Variants in GREP1 observed in about 807,000 individuals in gnomAD.
GREP1 encodes glycine rich extracellular protein 1.
At chr16:3,001,706 T>C (rs993505666) in exon 35 of GREP1, 1 of 398,682 alleles carries the variant, frequency 2.5e-6, no homozygotes, top group African/African-American at 2.1e-5. Flanking sequence ...CCTGCTTGCC[T>C]CCGCGTGCCA....
chr16:2,989,355 C>T lies in GREP1; in HGVS notation c.101-168C>T. 2.5e-6 allele frequency: 1 copy of T among 397,536 alleles called. No homozygotes were observed. The allele number at this position is 397,536 out of a possible 1,614,324, so 24.6% of individuals were successfully genotyped here. The stretch of plus-strand genomic sequence containing the variant: ...AGGGAGGTGGCATCCAGATTTGGGC[C>T]CCTTTGTCCCCTTGTAAGTTCCCCT... On this transcript the variant is annotated intron_variant, in intron 2 of 34. Coordinates refer to ENST00000573315, the Ensembl canonical transcript of GREP1. The surrounding 1 kb of genome is among the most constrained non-coding windows in gnomAD (Gnocchi z 4.2).
In GREP1 at chr16:2,989,858, A is replaced by T. The variant is rs12930630; in HGVS notation, c.131-116A>T. On this transcript the variant is annotated intron_variant, in intron 3 of 34. Transcript: ENST00000573315. This position sits in a 1 kb window ranked among gnomAD's most constrained non-coding sequence, Gnocchi z 4.2. Reference sequence around the variant, plus strand: ...CACCTGTGCCCCACAGCCCTCCCCCATCATGGGAAGGGACTGAGTTCCCAC... The same window carrying T: ...CACCTGTGCCCCACAGCCCTCCCCCTTCATGGGAAGGGACTGAGTTCCCAC... 20 of 398,122 alleles carry T rather than the reference A, an allele frequency of 5.0e-5. No individual in the cohort carries two copies. In the Admixed American group the frequency reaches 5.3e-4, roughly 11 times the overall value. 24.7% of individuals were successfully genotyped at this position (398,122 alleles called of 1,614,324 possible).
At chr16:2,998,473 A>G (rs1596462948) in intron 24 of GREP1, 21 bp from the exon 23 acceptor site, 9 of 399,144 alleles carry the variant, frequency 2.3e-5, no homozygotes, top group Non-Finnish European at 4.0e-5. Context: ...TGCCACACTC[A>G]TCTCTGCTTT....
In GREP1 at chr16:2,992,939, G is replaced by T. The variant is rs1286351553; in HGVS notation, c.361G>T (p.Gly121Trp). The T allele has an allele frequency of 1.0e-5, 4 of 398,958 alleles. No homozygotes were observed. Among genetic ancestry groups the T allele is most frequent in the Non-Finnish European group, 4.4e-6 (1 of 226,080 alleles). 24.7% of individuals were successfully genotyped at this position (398,958 alleles called of 1,614,324 possible). ...TCTCATCTTCCCCCCAGGCTTTGGA[G>T]GGGGTGGAAAACCCCAGAAGCCAGG... Residue 121 changes from glycine to tryptophan, a missense_variant, in exon 10 of 35, where the codon GGG becomes TGG. By Grantham distance (184) the Gly-to-Trp change is radical. Coordinates refer to ENST00000573315, the Ensembl canonical transcript of GREP1. The surrounding 1 kb of genome is among the most constrained non-coding windows in gnomAD (Gnocchi z 4.9).
Position 2,989,856 on chromosome 16 carries a change from C to A in GREP1, c.131-118C>A. ...CCCACCTGTGCCCCACAGCCCTCCCCCATCATGGGAAGGGACTGAGTTCCC... is the reference window on the plus strand; with the variant it reads ...CCCACCTGTGCCCCACAGCCCTCCCACATCATGGGAAGGGACTGAGTTCCC... On this transcript the variant is annotated intron_variant, in intron 3 of 34. Coordinates refer to ENST00000573315, the Ensembl canonical transcript of GREP1. This position sits in a 1 kb window ranked among gnomAD's most constrained non-coding sequence, Gnocchi z 4.2. The A allele has an allele frequency of 2.5e-6, 1 of 398,514 alleles. No homozygotes were observed. Among genetic ancestry groups the A allele is most frequent in the Admixed American group, 4.4e-5 (1 of 22,726 alleles). The allele number at this position is 398,514 out of a possible 1,614,324, so 24.7% of individuals were successfully genotyped here. A position where few individuals can be genotyped will look rare whatever the true frequency, so the allele number is the denominator to read the frequency against.
chr16:3,000,578 AC>A lies in GREP1; in HGVS notation c.1386del (p.Ala464GlnfsTer4). ...GGGGATGGGGTGGAAGCTCTGGTGT[AC>A]CCCAAAGCAGCAGCTCTAGCCCCTG... On this transcript the variant is annotated frameshift_variant, in exon 32 of 35. Transcript: ENST00000573315. LOFTEE classifies it high-confidence loss of function. The A allele has an allele frequency of 2.5e-6, 1 of 398,852 alleles. No homozygotes were observed. Among genetic ancestry groups the A allele is most frequent in the Non-Finnish European group, 4.4e-6 (1 of 226,126 alleles). The allele number at this position is 398,852 out of a possible 1,614,324, so 24.7% of individuals were successfully genotyped here.
At chr16:2,997,169 C>G (rs1489824216) in intron 21 of GREP1, 84 bp downstream of exon 20, 1 of 398,904 alleles carries the variant, frequency 2.5e-6, no homozygotes, top group Non-Finnish European at 4.4e-6. Context: ...GCTCCATCGG[C>G]ATTCAGGAGG....
rs2072405794 is a variant in GREP1 at position 2,992,829 on chromosome 16, G to T, written c.347G>T (p.Gly116Val). The change falls in exon 9 of 35, where the codon GGA (glycine) becomes GTA (valine). Residue 116 changes from glycine to valine, a missense_variant. Transcript: ENST00000573315. This position sits in a 1 kb window ranked among gnomAD's most constrained non-coding sequence, Gnocchi z 4.9. ...GGTCCTGCCGCTCAAAATGGCTTTG[G>T]ACCAGGTAAAGAGGGTGGGGACGGA... 2 of 399,044 alleles carry T rather than the reference G, an allele frequency of 5.0e-6. No homozygotes were observed. The highest frequency in any genetic ancestry group is 4.4e-5 in the Admixed American group (1 of 22,720). The allele number at this position is 399,044 out of a possible 1,614,324, so 24.7% of individuals were successfully genotyped here.
chr16:2,992,131 G>GA lies in GREP1; in HGVS notation c.323-673dup, dbSNP rs1255768413. ...TCCCAAGATCTGGTGATGGGAATGG[G>GA]ATGGGAGCTGGGGCCTTCCTAGGAG... On this transcript the variant is annotated intron_variant, in intron 8 of 34. Coordinates refer to ENST00000573315, the Ensembl canonical transcript of GREP1. The surrounding 1 kb of genome is among the most constrained non-coding windows in gnomAD (Gnocchi z 4.9). 1 of 152,664 alleles carries GA rather than the reference G, an allele frequency of 6.6e-6. No homozygotes were observed. Among genetic ancestry groups the GA allele is most frequent in the Non-Finnish European group, 1.5e-5 (1 of 68,400 alleles). The allele number at this position is 152,664 out of a possible 1,614,324, so 9.5% of individuals were successfully genotyped here.
exon 14 of GREP1, chr16:2,995,299 T>A: frequency 2.5e-6 from 1 of 399,010 alleles, no homozygotes; most frequent in Admixed American, 4.4e-5. Context: ...AGAGGGGACA[T>A]GAAGGCACAG....
exon 35 of GREP1, chr16:3,001,915 G>A (rs1043280391): frequency 1.8e-5 from 6 of 338,564 alleles, no homozygotes; most frequent in African/African-American, 4.2e-5. Flanking sequence ...CCTAGCGGGG[G>A]AACCACATCC....
chr16:2,988,403 C>G, intron 1 of GREP1, 63 bp downstream of exon 1: 1 of 399,144 alleles, frequency 2.5e-6, no homozygotes, highest in Non-Finnish European at 4.4e-6. Flanking sequence ...GGCTGGGGGT[C>G]CAAGTGGGGC....
chr16:2,999,156 T>C (rs2072444335), intron 26 of GREP1, 177 bp downstream of exon 24: 1 of 398,646 alleles, frequency 2.5e-6, no homozygotes, highest in Non-Finnish European at 4.4e-6. Flanking sequence ...GGACCCCATG[T>C]GGTCCCCAGT....
At position 2,995,612 on chromosome 16, in the gene GREP1, C is replaced by G. The variant is rs538271112; in HGVS notation, c.554-7C>G. The G allele has an allele frequency of 3.3e-4, 131 of 398,900 alleles. No individual in the cohort carries two copies. The highest frequency in any genetic ancestry group is 2.6e-3 in the African/African-American group (129 of 48,720). 24.7% of individuals were successfully genotyped at this position (398,900 alleles called of 1,614,324 possible). Reference sequence around the variant, plus strand: ...CAAATCCCCACCCCACCCTCCTCTCCCCATAGTCTTGACAGCCCAGAACCG... The same window carrying G: ...CAAATCCCCACCCCACCCTCCTCTCGCCATAGTCTTGACAGCCCAGAACCG... On this transcript the variant is annotated splice_polypyrimidine_tract_variant and splice_region_variant and intron_variant, in intron 15 of 34. Transcript: ENST00000573315.
chr16:3,000,628 T>C lies in GREP1; in HGVS notation c.1417+15T>C, dbSNP rs188694077. The C allele has an allele frequency of 2.6e-4, 104 of 398,862 alleles. 1 individual carries two copies. The Admixed American group carries it at 2.7e-3, about 10-fold the overall frequency. The allele number at this position is 398,862 out of a possible 1,614,324, so 24.7% of individuals were successfully genotyped here. ...TGAAGGAAATGGTAAGAAATGAGCC[T>C]TCTGGGAGCAGAGCCAAGCCCAACA... On this transcript the variant is annotated intron_variant, in intron 32 of 34. Transcript: ENST00000573315.
chr16:2,992,518 CT>C lies in GREP1; in HGVS notation c.323-285del, dbSNP rs1184015141. 2 of 279,732 alleles carry C rather than the reference CT, an allele frequency of 7.1e-6. No individual in the cohort carries two copies. Among genetic ancestry groups the C allele is most frequent in the African/African-American group, 4.4e-5 (2 of 45,842 alleles). The allele number at this position is 279,732 out of a possible 1,614,324, so 17.3% of individuals were successfully genotyped here. On this transcript the variant is annotated intron_variant, in intron 8 of 34. Coordinates refer to ENST00000573315, the Ensembl canonical transcript of GREP1. The surrounding 1 kb of genome is among the most constrained non-coding windows in gnomAD (Gnocchi z 4.9). ...CACTCTGGGTCCCAACAGATGGGCT[CT>C]TGGGGGTTCATTCATTCACCCAATC...
intron 27 of GREP1, among the ~76,000 whole-genome samples, chr16:2,999,658 G>A (rs1462827371): frequency 1.3e-5 from 2 of 152,000 alleles, no homozygotes; most frequent in African/African-American, 4.8e-5. Context: ...TGTCACATTG[G>A]ACAGGCTGGT....
At chr16:3,000,147 T>G in intron 29 of GREP1, 29 bp downstream of exon 26, 1 of 399,176 alleles carries the variant, frequency 2.5e-6, no homozygotes. Flanking sequence ...CCGACCCATG[T>G]TGAGCGGAAG....
exon 23 of GREP1, chr16:2,997,807 T>A: frequency 2.5e-6 from 1 of 398,490 alleles, no homozygotes; most frequent in Non-Finnish European, 4.4e-6. Context: ...CTCCAGGTGC[T>A]GGAGAGGGCA....
Sources: gnomAD v4.1 joint callset for allele counts (sites outside exome capture counted in the v4.1 genomes callset) on GRCh38, gnomAD v4.1.1 for gene constraint, Gnocchi (gnomAD v3.1) non-coding constraint, MANE v1.5 for transcripts, NCBI Gene and HGNC (gene_info 2026-07-23, HGNC 2026-07-21) for gene names.